Variants in RUNX1T1 observed in about 807,000 individuals in gnomAD.
The protein encoded by RUNX1T1 is protein CBFA2T1.
RUNX1T1 carries 4 observed loss-of-function variants against 62.8 expected under a neutral mutation model. The ratio of observed to expected loss-of-function variants is 0.06; its 90% CI spans 0.03 to 0.15. The LOEUF (loss-of-function observed/expected upper bound fraction) is 0.15. RUNX1T1 is among the 10% of genes least tolerant of loss of function. The pLI is 1.00. For synonymous variants in RUNX1T1, 291 were observed against 286.0 expected, an observed-to-expected ratio of 1.02 and a Z score of -0.18; for missense variants, 508 against 754.3, an observed-to-expected ratio of 0.67 and a Z score of 3.82.
At chr8:92,092,568 G>A (rs1837194505) in intron 1 of RUNX1T1, among the ~76,000 whole-genome samples, 1 of 152,174 alleles carries the variant, frequency 6.6e-6, no homozygotes, top group Non-Finnish European at 1.5e-5. Flanking sequence ...CAAGAACAGT[G>A]TTAACTTTGT....
chr8:91,987,550 T>C (rs1042983909), intron 6 of RUNX1T1, among the ~76,000 whole-genome samples: 2 of 151,958 alleles, frequency 1.3e-5, no homozygotes, highest in African/African-American at 4.8e-5. Flanking sequence ...TTACCAAAAA[T>C]TAAAAAATAA....
chr8:92,077,911 C>A (rs893106822), intron 1 of RUNX1T1, among the ~76,000 whole-genome samples: 10 of 152,078 alleles, frequency 6.6e-5, no homozygotes, highest in African/African-American at 2.4e-4. Context: ...AACTTTAAGA[C>A]AAATTTCTCA....
intron 5 of RUNX1T1, among the ~76,000 whole-genome samples, chr8:92,001,824 A>C (rs924118880): frequency 6.6e-6 from 1 of 152,214 alleles, no homozygotes; most frequent in Admixed American, 6.5e-5. Flanking sequence ...AGCAATGATA[A>C]TCATCCTAAC....
At chr8:91,999,752 T>A (rs1819405405) in intron 5 of RUNX1T1, among the ~76,000 whole-genome samples, 1 of 152,210 alleles carries the variant, frequency 6.6e-6, no homozygotes, top group South Asian at 2.1e-4. Context: ...TAACCATTAT[T>A]ATATTATTTA....
chr8:91,986,130 C>T (rs762206885), exon 8 of RUNX1T1: 16 of 1,611,912 alleles, frequency 9.9e-6, no homozygotes, highest in Non-Finnish European at 1.2e-5. Context: ...TTACCTAGTG[C>T]AACTGGGTCT....
chr8:92,012,453 G>C (rs1000419173), intron 3 of RUNX1T1, among the ~76,000 whole-genome samples: 3 of 152,060 alleles, frequency 2.0e-5, no homozygotes, highest in Non-Finnish European at 4.4e-5. Context: ...GCTTATGCTT[G>C]GAAGGTCAAG....
chr8:92,040,240 AG>A (rs1176793369), intron 1 of RUNX1T1, among the ~76,000 whole-genome samples: 2 of 152,220 alleles, frequency 1.3e-5, no homozygotes, highest in Admixed American at 1.3e-4. Flanking sequence ...CCCCATATTC[AG>A]AGCAAAGAGT....
intron 8 of RUNX1T1, among the ~76,000 whole-genome samples, chr8:91,984,503 A>C (rs973271843): frequency 2.0e-5 from 3 of 152,208 alleles, no homozygotes; most frequent in African/African-American, 7.2e-5. Context: ...TCAAAGAAAG[A>C]AATGAAGACT....
At chr8:92,042,948 A>C (rs546051289) in intron 1 of RUNX1T1, among the ~76,000 whole-genome samples, 47 of 152,332 alleles carry the variant, frequency 3.1e-4, no homozygotes, top group East Asian at 2.7e-3. Flanking sequence ...TTGAAAAAAC[A>C]ACCACATTTT....
intron 1 of RUNX1T1, among the ~76,000 whole-genome samples, chr8:92,098,415 C>A (rs967443740): frequency 6.6e-6 from 1 of 152,148 alleles, no homozygotes; most frequent in Non-Finnish European, 1.5e-5. Flanking sequence ...AAAACAGAAC[C>A]TACCTTCTAC....
intron 5 of RUNX1T1, among the ~76,000 whole-genome samples, chr8:92,001,385 T>C (rs954592834): frequency 5.9e-5 from 9 of 152,020 alleles, no homozygotes; most frequent in Admixed American, 5.2e-4. Flanking sequence ...ATAAAAAGAA[T>C]GGGGCCTGGT....
intron 1 of RUNX1T1, among the ~76,000 whole-genome samples, chr8:92,024,484 T>C (rs1307987279): frequency 1.2e-5 from 1 of 84,004 alleles, no homozygotes; most frequent in African/African-American, 5.2e-5. Context: ...GGTAACAGAG[T>C]GAAACCCCAA....
chr8:91,970,706 C>T (rs367974471), exon 10 of RUNX1T1: 68 of 1,613,180 alleles, frequency 4.2e-5, no homozygotes, highest in Middle Eastern at 3.3e-4. Flanking sequence ...CGTCCTCCGC[C>T]GCCTGCCGTT....
intron 1 of RUNX1T1, among the ~76,000 whole-genome samples, chr8:92,085,994 T>G (rs571997565): frequency 8.8e-4 from 134 of 152,350 alleles, no homozygotes; most frequent in African/African-American, 3.1e-3. Flanking sequence ...CTCAGTAGAT[T>G]TTAATGCATT....
At chr8:92,026,085 T>C (rs752282711) in intron 1 of RUNX1T1, among the ~76,000 whole-genome samples, 111 of 152,228 alleles carry the variant, frequency 7.3e-4, no homozygotes, top group Admixed American at 3.1e-3. Flanking sequence ...TACTTTTTTC[T>C]ACATTCTACA....
chr8:92,033,534 C>T (rs1446366597), intron 1 of RUNX1T1, among the ~76,000 whole-genome samples: 3 of 152,138 alleles, frequency 2.0e-5, no homozygotes, highest in Non-Finnish European at 4.4e-5. Flanking sequence ...CCTGTAATCT[C>T]GGCACTTTCG....
At chr8:92,093,057 T>G (rs1837280315) in intron 1 of RUNX1T1, among the ~76,000 whole-genome samples, 1 of 152,174 alleles carries the variant, frequency 6.6e-6, no homozygotes, top group Admixed American at 6.5e-5. Context: ...CTCTTATCAC[T>G]TTCCTTTTCT....
chr8:92,076,015 CTCAGTGCTCTCCAAGT>C lies in RUNX1T1; in HGVS notation c.22_37del (p.Thr8ValfsTer2), dbSNP rs1213766962. ...TTTCCGGCAGTCACCTATTACTAAA[CTCAGTGCTCTCCAAGT>C]GTTTCTTTTGACAGATATCATTCTC... On this transcript the variant is annotated frameshift_variant, in exon 2 of 12. Transcript: ENST00000265814. LOFTEE classifies it high-confidence loss of function. The C allele has an allele frequency of 6.2e-7, 1 of 1,611,910 alleles. No homozygotes were observed. The highest frequency in any genetic ancestry group is 8.5e-7 in the Non-Finnish European group (1 of 1,179,420).
chr8:92,072,998 T>G (rs1833909805), intron 2 of RUNX1T1, among the ~76,000 whole-genome samples: 1 of 152,300 alleles, frequency 6.6e-6, no homozygotes, highest in African/African-American at 2.4e-5. Flanking sequence ...TGCATGAACA[T>G]AAACAGGCAC....
Sources: allele counts gnomAD v4.1 joint callset (sites outside exome capture counted in the v4.1 genomes callset), GRCh38; gene constraint gnomAD v4.1.1; transcripts MANE v1.5; gene names NCBI Gene and HGNC (gene_info 2026-07-23, HGNC 2026-07-21).